GNAL: variants seen among roughly 807,000 people sequenced by gnomAD.
GNAL encodes the protein G protein subunit alpha L, also known as guanine nucleotide-binding protein G(olf) subunit alpha.
GNAL carries 18 observed loss-of-function variants against 55.1 expected under a neutral mutation model. The observed-to-expected ratio is 0.33, with a 90% CI of 0.23 to 0.48. GNAL has a LOEUF of 0.48. Ranked by LOEUF, GNAL falls within the 20% of genes least tolerant of loss-of-function variation. GNAL has a pLI of 0.99. For missense variants in GNAL, 412 were observed against 614.1 expected (o/e 0.67, Z 3.48); for synonymous variants, 253 against 237.0 (o/e 1.07, Z -0.62).
chr18:11,787,410 C>T (rs922286322), intron 4 of GNAL, among the ~76,000 whole-genome samples: 3 of 151,926 alleles, frequency 2.0e-5, no homozygotes, highest in East Asian at 1.9e-4. Flanking sequence ...TGAGGTGGGC[C>T]GAAACAGTTC....
chr18:11,808,436 T>C (rs1284628515), intron 4 of GNAL, among the ~76,000 whole-genome samples: 3 of 152,216 alleles, frequency 2.0e-5, no homozygotes, highest in Non-Finnish European at 4.4e-5. Flanking sequence ...AATTTAAATC[T>C]GAAACGCATT....
At chr18:11,869,168 G>A (rs1366257304) in intron 9 of GNAL, among the ~76,000 whole-genome samples, 2 of 151,434 alleles carry the variant, frequency 1.3e-5, no homozygotes, top group Non-Finnish European at 2.9e-5. Flanking sequence ...TTTTGAGATA[G>A]AGTCTCGCTG....
intron 4 of GNAL, among the ~76,000 whole-genome samples, chr18:11,777,244 C>T (rs143393179): frequency 1.3e-5 from 2 of 152,302 alleles, no homozygotes; most frequent in East Asian, 3.9e-4. Context: ...ATCATTACTG[C>T]TCATGTGTCA....
chr18:11,855,920 C>T lies in GNAL; in HGVS notation c.723-6475C>T, dbSNP rs960725531. ...CCGGGAGGTGGAGGTTGCGGTGAGCCGAGATCGCGCCATTGCACTCCAGCC... is the reference window on the plus strand; with the variant it reads ...CCGGGAGGTGGAGGTTGCGGTGAGCTGAGATCGCGCCATTGCACTCCAGCC... On this transcript the variant is annotated intron_variant, in intron 5 of 11. Coordinates refer to ENST00000334049, the MANE Select transcript of GNAL (RefSeq NM_182978.4). Among the ~76,000 whole-genome samples the T allele has an allele frequency of 1.3e-5, 2 of 150,614 alleles. 1 individual carries two copies. The highest frequency in any genetic ancestry group is 5.0e-5 in the African/African-American group (2 of 40,180).
At chr18:11,833,379 G>A (rs1439424850) in intron 5 of GNAL, 1 of 152,098 alleles carries the variant, frequency 6.6e-6, no homozygotes, top group Non-Finnish European at 1.5e-5. Flanking sequence ...TCCTGTTTAT[G>A]AGCACTACAA....
At chr18:11,829,716 T>G (rs973770509) in intron 5 of GNAL, among the ~76,000 whole-genome samples, 1 of 152,146 alleles carries the variant, frequency 6.6e-6, no homozygotes, top group Non-Finnish European at 1.5e-5. Flanking sequence ...TTGTATAAAG[T>G]CAGCGCTCAG....
intron 4 of GNAL, among the ~76,000 whole-genome samples, chr18:11,818,276 G>C (rs1324497386): frequency 6.6e-6 from 1 of 152,082 alleles, no homozygotes; most frequent in African/African-American, 2.4e-5. Flanking sequence ...AACAGATCCA[G>C]ACTTTTAACT....
rs1394001653 is a variant in GNAL, at chr18:11,850,424, A to G, written c.723-11971A>G. Among the ~76,000 whole-genome samples the G allele has an allele frequency of 2.0e-5, 3 of 152,210 alleles. No homozygotes were observed. In the East Asian group the frequency reaches 5.8e-4, roughly 29 times the overall value. On this transcript the variant is annotated intron_variant, in intron 5 of 11. Transcript: ENST00000334049. ...CGCTCTCAGAGTTCATTTTCAGCCTACCTCATTAGGGCAGATTTGGTCTTC... is the reference window on the plus strand; with the variant it reads ...CGCTCTCAGAGTTCATTTTCAGCCTGCCTCATTAGGGCAGATTTGGTCTTC...
rs773469534 is a variant in GNAL, at chr18:11,881,953, G to GTGTT, written c.*822_*825dup. ...GGCTATCTATACCTGTACATGAAAT[G>GTGTT]TGTTTGTATTGTGCTGAAGAGCTTA... is the stretch of plus-strand genomic sequence containing the variant. On this transcript the variant is annotated 3_prime_UTR_variant, in exon 12 of 12. Coordinates refer to ENST00000334049, the MANE Select transcript of GNAL (RefSeq NM_182978.4). This position sits in a 1 kb window ranked among gnomAD's most constrained non-coding sequence, Gnocchi z 4.8. 6 of 152,736 alleles carry GTGTT rather than the reference G, an allele frequency of 3.9e-5. No individual in the cohort carries two copies. In the East Asian group the frequency reaches 1.2e-3, roughly 29 times the overall value. The allele number at this position is 152,736 out of a possible 1,614,324, so 9.5% of individuals were successfully genotyped here. A position where few individuals can be genotyped will look rare whatever the true frequency, so the allele number is the denominator to read the frequency against.
intron 1 of GNAL, among the ~76,000 whole-genome samples, chr18:11,747,873 G>T (rs9949045): frequency 1.3e-5 from 2 of 151,852 alleles, no homozygotes; most frequent in Non-Finnish European, 2.9e-5. Flanking sequence ...ACCCTCTGCC[G>T]GTGGCTCCCA....
intron 4 of GNAL, among the ~76,000 whole-genome samples, chr18:11,758,397 C>T (rs1184382109): frequency 1.3e-5 from 2 of 152,146 alleles, no homozygotes; most frequent in African/African-American, 2.4e-5. Context: ...TGATAAAATT[C>T]TTGTGACCTC....
intron 11 of GNAL, 75 bp downstream of exon 11, chr18:11,876,763 C>G: frequency 2.4e-6 from 2 of 825,880 alleles, no homozygotes; most frequent in Non-Finnish European, 4.3e-6. Flanking sequence ...GCAAATTACT[C>G]CTTGATGATC....
At chr18:11,695,140 G>A (rs2031369825) in intron 1 of GNAL, among the ~76,000 whole-genome samples, 1 of 152,214 alleles carries the variant, frequency 6.6e-6, no homozygotes, top group African/African-American at 2.4e-5. Flanking sequence ...TGCGTGCCCT[G>A]TCTAAAAGGG....
At chr18:11,758,594 A>G (rs1254779465) in intron 4 of GNAL, among the ~76,000 whole-genome samples, 2 of 152,232 alleles carry the variant, frequency 1.3e-5, no homozygotes, top group African/African-American at 4.8e-5. Context: ...TTTCAAATGA[A>G]ATAACACAAA....
intron 1 of GNAL, among the ~76,000 whole-genome samples, chr18:11,710,413 T>G (rs1300198054): frequency 6.6e-6 from 1 of 152,234 alleles, no homozygotes; most frequent in African/African-American, 2.4e-5. Context: ...GTCTTTTAAC[T>G]TTTAAGTTAG....
At chr18:11,859,321 AC>A (rs1472939398) in intron 5 of GNAL, among the ~76,000 whole-genome samples, 1 of 152,032 alleles carries the variant, frequency 6.6e-6, no homozygotes, top group African/African-American at 2.4e-5. Flanking sequence ...CTCCCGTCCC[AC>A]CCCGGCAGAA....
At chr18:11,766,147 T>C (rs1258545091) in intron 4 of GNAL, among the ~76,000 whole-genome samples, 3 of 152,228 alleles carry the variant, frequency 2.0e-5, no homozygotes, top group Non-Finnish European at 2.9e-5. Context: ...AAAAGCACAC[T>C]AGGTTTTAAG....
Position 11,689,501 on chromosome 18 carries a change from A to T in GNAL, c.-63A>T. 2 of 809,902 alleles carry T rather than the reference A, an allele frequency of 2.5e-6. No individual in the cohort carries two copies. Among genetic ancestry groups the T allele is most frequent in the Non-Finnish European group, 3.3e-6 (2 of 605,846 alleles). 50.2% of individuals were successfully genotyped at this position (809,902 alleles called of 1,614,324 possible). ...CCGGCCTGAACTGGGCGCGGGAACC[A>T]GGCCGCCCTCGGCGCCCAGCCTGCC... On this transcript the variant is annotated 5_prime_UTR_variant, in exon 1 of 12. Coordinates refer to ENST00000334049, the MANE Select transcript of GNAL (RefSeq NM_182978.4).
intron 5 of GNAL, among the ~76,000 whole-genome samples, chr18:11,854,668 C>G (rs2035962077): frequency 1.3e-5 from 2 of 152,070 alleles, no homozygotes; most frequent in South Asian, 4.1e-4. Flanking sequence ...GTAATCTCAG[C>G]TACTCAGGAG....
Sources: gnomAD v4.1 joint callset for allele counts (sites outside exome capture counted in the v4.1 genomes callset) on GRCh38, gnomAD v4.1.1 for gene constraint, Gnocchi (gnomAD v3.1) non-coding constraint, MANE v1.5 for transcripts, NCBI Gene and HGNC (gene_info 2026-07-23, HGNC 2026-07-21) for gene names.